The following LYST variants were observed in gnomAD, a reference collection of about 807,000 sequenced individuals.
LYST encodes lysosomal trafficking regulator.
LYST carries 192 observed loss-of-function variants against 413.6 expected under a neutral mutation model. The ratio of observed to expected loss-of-function variants is 0.46; its 90% CI spans 0.41 to 0.52. The LOEUF (loss-of-function observed/expected upper bound fraction) is 0.52. Among genes scored for constraint, LYST ranks in the 20% least tolerant of loss-of-function variants. LYST has a pLI of 0.00. For missense variants in LYST, 3,815 were observed against 4,499.9 expected (o/e 0.85, Z 4.35); for synonymous variants, 1,525 against 1,567.3 (o/e 0.97, Z 0.64).
At chr1:235,722,120 AAGTCCCCG>A (rs1663422203) in intron 39 of LYST, among the ~76,000 whole-genome samples, 1 of 152,220 alleles carries the variant, frequency 6.6e-6, no homozygotes, top group East Asian at 1.9e-4. Flanking sequence ...AATGAATGCA[AAGTCCCCG>A]AGGCACTGGT....
intron 27 of LYST, among the ~76,000 whole-genome samples, chr1:235,751,728 T>C (rs984857833): frequency 6.6e-6 from 1 of 152,198 alleles, no homozygotes; most frequent in Non-Finnish European, 1.5e-5. Context: ...GGTATTACTA[T>C]GCAACATACA....
Position 235,812,950 on chromosome 1 carries a change from T to C in LYST, c.283+21A>G, listed in dbSNP as rs1673617746. The C allele has an allele frequency of 2.0e-6, 3 of 1,481,734 alleles. No individual in the cohort carries two copies. In the East Asian group the frequency reaches 6.8e-5, roughly 34 times the overall value. The allele number at this position is 1,481,734 out of a possible 1,614,324, so 91.8% of individuals were successfully genotyped here. On this transcript the variant is annotated intron_variant, in intron 4 of 52. Transcript: ENST00000389793. Reference sequence around the variant, plus strand: ...TGAAATTTTGATAACACAAGTGATATGATAAAGGGAAAAAGCATACCTGTT... The same window carrying C: ...TGAAATTTTGATAACACAAGTGATACGATAAAGGGAAAAAGCATACCTGTT...
intron 16 of LYST, among the ~76,000 whole-genome samples, chr1:235,779,227 C>T (rs577378632): frequency 9.1e-4 from 139 of 152,250 alleles, no homozygotes; most frequent in Middle Eastern, 6.8e-3. Flanking sequence ...ATTACTAAAT[C>T]GGGCTTAAAC....
Position 235,746,450 on chromosome 1 carries a change from C to T in LYST, c.7858G>A (p.Val2620Met), listed in dbSNP as rs1665935744. 6 of 1,613,686 alleles carry T rather than the reference C, an allele frequency of 3.7e-6. No individual in the cohort carries two copies. The East Asian group carries it at 1.3e-4, about 36-fold the overall frequency. ...MRSVANDELH[V>M]MMQRRMSQEN... Reference sequence around the variant, plus strand: ...TGGCTCATTCTCCGTTGCATCATCACATGAAGCTCATCATTTGCCACTGAA... The same window carrying T: ...TGGCTCATTCTCCGTTGCATCATCATATGAAGCTCATCATTTGCCACTGAA... The change falls in exon 29 of 53, where the codon GTG becomes ATG. Residue 2620 changes from valine to methionine, a missense_variant. Coordinates refer to ENST00000389793, the MANE Select transcript of LYST (RefSeq NM_000081.4).
chr1:235,827,994 CA>C (rs1387556606), intron 3 of LYST: 9 of 376,102 alleles, frequency 2.4e-5, no homozygotes, highest in African/African-American at 2.0e-4. Context: ...AGAAGATATA[CA>C]AATGGCCAAT....
At chr1:235,880,457 C>T (rs150925628) in intron 1 of LYST, among the ~76,000 whole-genome samples, 19 of 152,312 alleles carry the variant, frequency 1.2e-4, no homozygotes, top group Non-Finnish European at 1.8e-4. Context: ...CATCATTTGA[C>T]ACCGTCATAA....
chr1:235,701,547 G>C (rs969066732), intron 45 of LYST, among the ~76,000 whole-genome samples: 1 of 152,142 alleles, frequency 6.6e-6, no homozygotes, highest in African/African-American at 2.4e-5. Flanking sequence ...AGAACTGTTT[G>C]AACCCGGGAG....
Position 235,663,028 on chromosome 1 carries a change from C to A in LYST, c.11318G>T (p.Gly3773Val). 1.2e-6 allele frequency: 2 copies of A among 1,613,976 alleles called. No homozygotes were observed. Among genetic ancestry groups the A allele is most frequent in the Non-Finnish European group, 1.7e-6 (2 of 1,179,974 alleles). ...CTTCCGACACCAGGCAATCACGGTC[C>A]CATCACTGTTTGCTGTGTACAAATG... ...GHHLYTANSD[G>V]TVIAWCRKDQ... is the part of the protein sequence containing the mutation. The change falls in exon 53 of 53, where the codon GGG becomes GTG. Residue 3773 changes from glycine (G) to valine (V), a missense_variant. Physicochemically the swap from Gly to Val is moderately radical, Grantham distance 109 (BLOSUM62 -3). This residue lies in a region of LYST where 866 missense variants were observed against 1,156.0 expected (regional missense o/e 0.75). Coordinates refer to ENST00000389793, the MANE Select transcript of LYST (RefSeq NM_000081.4).
At chr1:235,829,809 A>C (rs971440442) in intron 3 of LYST, 3 of 172,500 alleles carry the variant, frequency 1.7e-5, no homozygotes, top group African/African-American at 7.2e-5. Flanking sequence ...TTCACATAAG[A>C]GGTCTCTGCT....
Position 235,759,584 on chromosome 1 carries a change from T to C in LYST, c.6269A>G (p.Asn2090Ser). The C allele has an allele frequency of 6.2e-7, 1 of 1,612,914 alleles. No homozygotes were observed. The highest frequency in any genetic ancestry group is 8.5e-7 in the Non-Finnish European group (1 of 1,179,036). ...ASPYEGENSS[N>S]IIPQQMAAHM... ...GGCGGCCATCTGTTGTGGAATAATA[T>C]TAGAGGAATTCTCTCCTGGTAAGAG... Residue 2090 changes from asparagine to serine, a missense_variant, in exon 23 of 53, where the codon AAT (asparagine) becomes AGT (serine). Coordinates refer to ENST00000389793, the MANE Select transcript of LYST (RefSeq NM_000081.4).
At chr1:235,719,520 T>C (rs1259999914) in intron 40 of LYST, among the ~76,000 whole-genome samples, 1 of 151,536 alleles carries the variant, frequency 6.6e-6, no homozygotes. Context: ...ACAAATTCAA[T>C]GGGAGCCTGA....
At chr1:235,867,264 G>A (rs1214906149), upstream of LYST, among the ~76,000 whole-genome samples, 2 of 152,218 alleles carry the variant, frequency 1.3e-5, no homozygotes, top group Non-Finnish European at 2.9e-5. Flanking sequence ...TGCGAGCACC[G>A]TTTGAGAAGC....
At chr1:235,707,866 G>GT (rs1220483336) in intron 44 of LYST, among the ~76,000 whole-genome samples, 3 of 151,988 alleles carry the variant, frequency 2.0e-5, no homozygotes, top group Admixed American at 6.6e-5. Context: ...GGATTTCAGG[G>GT]TTTTTTTGGG....
At chr1:235,704,300 G>A (rs554437967) in intron 44 of LYST, among the ~76,000 whole-genome samples, 1 of 152,234 alleles carries the variant, frequency 6.6e-6, no homozygotes, top group East Asian at 1.9e-4. Flanking sequence ...TAGAATAGTA[G>A]TTCTGTTTCT....
chr1:235,877,204 G>A (rs892428058), intron 1 of LYST, among the ~76,000 whole-genome samples: 1 of 152,122 alleles, frequency 6.6e-6, no homozygotes, highest in Non-Finnish European at 1.5e-5. Context: ...AGAATGGCTG[G>A]CCCTGTCCCG....
rs558911687 is a variant in LYST at position 235,881,568 on chromosome 1, G to A, written n.454+1619C>T. ...TCATAAAAGCCAAAGGGGAAGCAAT[G>A]CAAGTGTCCATTGATAGATGAATAA... On this transcript the variant is annotated intron_variant and non_coding_transcript_variant, in intron 1 of 11. Coordinates refer to the LYST transcript ENST00000465349. Among the ~76,000 whole-genome samples the A allele has an allele frequency of 2.0e-5, 3 of 152,236 alleles. No homozygotes were observed. The South Asian group carries it at 6.2e-4, about 32-fold the overall frequency.
At chr1:235,698,646 C>G (rs1352463073) in intron 45 of LYST, among the ~76,000 whole-genome samples, 1 of 151,972 alleles carries the variant, frequency 6.6e-6, no homozygotes. Flanking sequence ...CCGAGGCGGG[C>G]GGATCATGAA....
At chr1:235,727,365 C>G (rs1445892252) in intron 38 of LYST, among the ~76,000 whole-genome samples, 2 of 151,982 alleles carry the variant, frequency 1.3e-5, no homozygotes, top group Admixed American at 1.3e-4. Flanking sequence ...CTCAGGTGAT[C>G]CACTCACCTC....
intron 47 of LYST, among the ~76,000 whole-genome samples, chr1:235,691,183 GCTGGGATAACAGGCT>G (rs1660626124): frequency 6.6e-6 from 1 of 152,132 alleles, no homozygotes; most frequent in South Asian, 2.1e-4. Flanking sequence ...CTCCCAAAGC[GCTGGGATAACAGGCT>G]TGAGCCACCG....
Sources: gnomAD v4.1 joint callset for allele counts (sites outside exome capture counted in the v4.1 genomes callset) on GRCh38, gnomAD v4.1.1 for gene constraint, gnomAD v4.1.1 regional missense constraint, MANE v1.5 for transcripts, NCBI Gene and HGNC (gene_info 2026-07-23, HGNC 2026-07-21) for gene names.